CNTN4: variants seen among roughly 807,000 people sequenced by gnomAD.
The protein encoded by CNTN4 is contactin 4, also known as contactin-4.
In CNTN4, 77 loss-of-function variants were observed where a neutral mutation model predicts 122.5. The ratio of observed to expected loss-of-function variants is 0.63; its 90% CI spans 0.52 to 0.76. The LOEUF (loss-of-function observed/expected upper bound fraction) is 0.76. Ranked by LOEUF, CNTN4 falls within the 30% of genes least tolerant of loss-of-function variation. The pLI is 0.00. For missense variants in CNTN4, 1,256 were observed against 1,259.1 expected (o/e 1.00, Z 0.04); for synonymous variants, 512 against 447.0 (o/e 1.15, Z -1.83).
intron 4 of CNTN4, among the ~76,000 whole-genome samples, chr3:2,662,176 T>C (rs760380088): frequency 4.6e-5 from 7 of 152,250 alleles, no homozygotes; most frequent in Non-Finnish European, 1.0e-4. Context: ...ATTAGTGTCA[T>C]GCACAAAAAT....
intron 3 of CNTN4, among the ~76,000 whole-genome samples, chr3:2,394,830 A>G (rs2046581284): frequency 7.8e-6 from 1 of 128,112 alleles, no homozygotes; most frequent in African/African-American, 2.9e-5. Flanking sequence ...TCTGTCACCC[A>G]GACTGGAGTA....
intron 6 of CNTN4, among the ~76,000 whole-genome samples, chr3:2,819,073 T>C (rs2092805193): frequency 6.6e-6 from 1 of 152,156 alleles, no homozygotes; most frequent in Admixed American, 6.5e-5. Flanking sequence ...CTTAACATCT[T>C]TAAACCTCAG....
chr3:2,490,804 T>G (rs149625127), intron 3 of CNTN4, among the ~76,000 whole-genome samples: 232 of 152,306 alleles, frequency 1.5e-3, no homozygotes, highest in African/African-American at 5.4e-3. Context: ...CTCATTCCCG[T>G]ATGCTATACT....
chr3:2,244,683 C>T (rs988676149), intron 2 of CNTN4, among the ~76,000 whole-genome samples: 2 of 151,752 alleles, frequency 1.3e-5, no homozygotes, highest in Admixed American at 6.6e-5. Flanking sequence ...ATTGGACAGT[C>T]CTGGAAAGGA....
chr3:2,244,218 AAAT>A (rs918987584), intron 2 of CNTN4, among the ~76,000 whole-genome samples: 83 of 149,228 alleles, frequency 5.6e-4, no homozygotes, highest in African/African-American at 1.9e-3. Context: ...GTAATAAAAA[AAAT>A]CTATGTAAAT....
At chr3:2,717,982 C>T (rs1272562949) in intron 4 of CNTN4, among the ~76,000 whole-genome samples, 1 of 151,966 alleles carries the variant, frequency 6.6e-6, no homozygotes, top group East Asian at 1.9e-4. Flanking sequence ...AGTGTTTATT[C>T]AAGTCCTTTA....
rs772803207 is a variant in CNTN4 at position 3,038,938 on chromosome 3, G to A, written c.2098G>A (p.Glu700Lys). The change falls in exon 19 of 25, where the codon GAA becomes AAA. Residue 700 changes from glutamate to lysine, a missense_variant. Physicochemically the swap from Glu to Lys is moderately conservative, Grantham distance 56. Coordinates refer to ENST00000418658, the MANE Select transcript of CNTN4 (RefSeq NM_175607.3). Reference sequence around the variant, plus strand: ...TTTTTTGTCTCCTTGTGCAGTCCCCGAAGTCACACCAGCGAATGTCAGTGG... The same window carrying A: ...TTTTTTGTCTCCTTGTGCAGTCCCCAAAGTCACACCAGCGAATGTCAGTGG... ...EKRRTEEALPEVTPANVSGGG... is the reference protein window; with the variant it reads ...EKRRTEEALPKVTPANVSGGG... 4.2e-5 allele frequency: 68 copies of A among 1,613,932 alleles called. 2 individuals are homozygous for A. The South Asian group carries it at 6.4e-4, about 15-fold the overall frequency.
At chr3:2,887,469 G>A (rs1177741733) in intron 10 of CNTN4, among the ~76,000 whole-genome samples, 1 of 152,138 alleles carries the variant, frequency 6.6e-6, no homozygotes, top group Non-Finnish European at 1.5e-5. Flanking sequence ...ATGGGTATTA[G>A]TGTGAACACA....
At chr3:2,328,232 C>T (rs964666081) in intron 2 of CNTN4, among the ~76,000 whole-genome samples, 4 of 151,806 alleles carry the variant, frequency 2.6e-5, no homozygotes, top group Non-Finnish European at 5.9e-5. Context: ...GGTGAAACCC[C>T]GTCTCTACTA....
At chr3:2,488,446 G>A (rs1452236946) in intron 3 of CNTN4, among the ~76,000 whole-genome samples, 2 of 152,142 alleles carry the variant, frequency 1.3e-5, no homozygotes, top group African/African-American at 4.8e-5. Context: ...CAGTGTGAGT[G>A]AGTGTTGGGG....
intron 4 of CNTN4, among the ~76,000 whole-genome samples, chr3:2,727,559 C>T (rs935342230): frequency 6.6e-6 from 1 of 152,170 alleles, no homozygotes; most frequent in African/African-American, 2.4e-5. Flanking sequence ...GATACAGCCC[C>T]ACGGCTGTTC....
At chr3:3,050,983 G>A (rs1701210771) in intron 23 of CNTN4, among the ~76,000 whole-genome samples, 1 of 152,156 alleles carries the variant, frequency 6.6e-6, no homozygotes, top group South Asian at 2.1e-4. Context: ...CAGGCTACAT[G>A]TGGCCCAAGA....
At chr3:2,445,941 G>T (rs762826096) in intron 3 of CNTN4, among the ~76,000 whole-genome samples, 1 of 152,098 alleles carries the variant, frequency 6.6e-6, no homozygotes, top group Non-Finnish European at 1.5e-5. Flanking sequence ...TGATTCTTGA[G>T]GGTAGTGACT....
intron 6 of CNTN4, among the ~76,000 whole-genome samples, chr3:2,812,809 A>G (rs911528192): frequency 6.6e-6 from 1 of 152,200 alleles, no homozygotes; most frequent in African/African-American, 2.4e-5. Context: ...TTGTCCTGAC[A>G]TTAGAAGTGA....
chr3:2,646,830 T>G (rs1403307298), intron 4 of CNTN4, among the ~76,000 whole-genome samples: 2 of 152,180 alleles, frequency 1.3e-5, no homozygotes, highest in Non-Finnish European at 2.9e-5. Flanking sequence ...AAATTTCCTC[T>G]TCTTATAAGG....
In CNTN4 at chr3:3,053,852, AC is replaced by A; in HGVS notation, c.2858del (p.Thr953LysfsTer17). 1 of 1,614,258 alleles carries A rather than the reference AC, an allele frequency of 6.2e-7. No individual in the cohort carries two copies. Among genetic ancestry groups the A allele is most frequent in the African/African-American group, 1.3e-5 (1 of 75,072 alleles). ...ACAAAGCAGCACATCTGTCATTGAA[AC>A]AAATAAAACATCGGTGGAGCTTTCT... The part of the protein sequence containing the change: ...NRQSSTSVIE[T>X]NKTSVELSLP... On this transcript the variant is annotated frameshift_variant, in exon 24 of 25. Transcript: ENST00000418658. LOFTEE classifies it high-confidence loss of function.
intron 12 of CNTN4, among the ~76,000 whole-genome samples, chr3:2,903,335 G>A (rs2151155211): frequency 6.6e-6 from 1 of 152,324 alleles, no homozygotes. Context: ...CTTGAGCTTG[G>A]AGGGAATAAG....
chr3:2,390,570 T>C (rs1224227218), intron 3 of CNTN4, among the ~76,000 whole-genome samples: 1 of 152,168 alleles, frequency 6.6e-6, no homozygotes, highest in Non-Finnish European at 1.5e-5. Context: ...TTTTTCCTGT[T>C]GAAATAATTG....
intron 3 of CNTN4, among the ~76,000 whole-genome samples, chr3:2,350,952 C>T (rs1280222088): frequency 6.6e-6 from 1 of 152,162 alleles, no homozygotes. Context: ...TTAATGCAGC[C>T]TCCCAACGCA....
Sources: gnomAD v4.1 joint callset for allele counts (sites outside exome capture counted in the v4.1 genomes callset) on GRCh38, gnomAD v4.1.1 for gene constraint, MANE v1.5 for transcripts, NCBI Gene and HGNC (gene_info 2026-07-23, HGNC 2026-07-21) for gene names.